The following MYH1 variants were observed in gnomAD, a reference collection of about 807,000 sequenced individuals.
MYH1 encodes the protein myosin-1.
A neutral mutation model predicts 225.6 loss-of-function variants in MYH1; 214 were observed. The observed-to-expected ratio is 0.95, with a 90% CI of 0.85 to 1.06. The LOEUF (loss-of-function observed/expected upper bound fraction) is 1.06. MYH1 is among the 50% of genes least tolerant of loss of function. MYH1 has a pLI of 0.00. For missense variants in MYH1, 2,098 were observed against 2,344.2 expected, an observed-to-expected ratio of 0.89 and a Z score of 2.17; for synonymous variants, 774 against 842.3, an observed-to-expected ratio of 0.92 and a Z score of 1.40.
intron 15 of MYH1, 83 bp downstream of exon 15, chr17:10,509,402 C>G: frequency 1.9e-6 from 3 of 1,587,644 alleles, no homozygotes; most frequent in Non-Finnish European, 2.6e-6. Flanking sequence ...AAATATTTAG[C>G]CATTGCCTAT....
In MYH1 at chr17:10,495,284, C is replaced by A. The variant is rs868547373; in HGVS notation, c.5203G>T (p.Glu1735Ter). ...CCCTGGATTTGGGAAATGTCTGTCT[C>A]CAGCTTCTTCTTGGTGTTGATCAGG... ...TSLINTKKKL[E>*]TDISQIQGEM... The change falls in exon 36 of 40, where the codon GAG becomes TAG. Residue 1735 changes from glutamate (E) to a stop codon, truncating the protein, a stop_gained. Transcript: ENST00000226207. LOFTEE classifies it high-confidence loss of function. 1.2e-6 allele frequency: 2 copies of A among 1,614,004 alleles called. No homozygotes were observed. Among genetic ancestry groups the A allele is most frequent in the African/African-American group, 2.7e-5 (2 of 74,890 alleles).
chr17:10,494,849 A>G (rs2142253285), intron 37 of MYH1, 82 bp downstream of exon 37: 1 of 1,610,398 alleles, frequency 6.2e-7, no homozygotes, highest in East Asian at 2.2e-5. Flanking sequence ...AGTATGCCCC[A>G]CATCATCTAG....
chr17:10,501,389 C>T lies in MYH1; in HGVS notation c.3459G>A (p.Arg1153=), dbSNP rs1386495830. The T allele has an allele frequency of 2.5e-6, 4 of 1,614,060 alleles. No homozygotes were observed. Among genetic ancestry groups the T allele is most frequent in the Non-Finnish European group, 2.5e-6 (3 of 1,180,046 alleles). The stretch of plus-strand genomic sequence containing the variant: ...AGGTGGCCCCACCGGCTTCTTCCAG[C>T]CTCTCGCTGATCTCCTCCAGCTCCC... ...LSRELEEISE[R]LEEAGGATSA... The change falls in exon 27 of 40, where the codon AGG becomes AGA. Residue 1153 remains arginine (R), a synonymous_variant. Transcript: ENST00000226207.
chr17:10,507,351 C>G (rs2073123310), intron 17 of MYH1, among the ~76,000 whole-genome samples: 1 of 152,194 alleles, frequency 6.6e-6, no homozygotes, highest in African/African-American at 2.4e-5. Flanking sequence ...GCGTGAGCAA[C>G]TGTGCTTGGC....
At position 10,495,179 on chromosome 17, in the gene MYH1, A is replaced by T; in HGVS notation, c.5295+13T>A. 1 of 1,614,130 alleles carries T rather than the reference A, an allele frequency of 6.2e-7. No individual in the cohort carries two copies. The highest frequency in any genetic ancestry group is 8.5e-7 in the Non-Finnish European group (1 of 1,180,028). ...ATTTAAGTTTGACCACCACTGTGTT[A>T]CCCTTCACTCACATCAGTGATGGCC... On this transcript the variant is annotated intron_variant, in intron 36 of 39. Transcript: ENST00000226207.
intron 14 of MYH1, 35 bp from the exon 15 acceptor site, chr17:10,509,690 T>A (rs1435629939): frequency 6.2e-7 from 1 of 1,614,182 alleles, no homozygotes. Flanking sequence ...AGCATTCAAT[T>A]TATAATGAAA....
chr17:10,510,587 A>G (rs1233995863), intron 14 of MYH1, among the ~76,000 whole-genome samples: 1 of 152,178 alleles, frequency 6.6e-6, no homozygotes, highest in African/African-American at 2.4e-5. Flanking sequence ...TAGAAACACA[A>G]TTGAGGATGC....
intron 1 of MYH1, 30 bp from the exon 2 acceptor site, chr17:10,518,300 T>C (rs2073249716): frequency 6.6e-6 from 1 of 152,144 alleles, no homozygotes; most frequent in East Asian, 1.9e-4. Flanking sequence ...CCTCTTCTGA[T>C]TAAATTATAA....
rs1166791650 is a variant in MYH1 at position 10,502,828 on chromosome 17, G to A, written c.3021C>T (p.His1007=). 2.5e-6 allele frequency: 4 copies of A among 1,613,904 alleles called. No individual in the cohort carries two copies. The highest frequency in any genetic ancestry group is 2.5e-6 in the Non-Finnish European group (3 of 1,180,022). The change falls in exon 24 of 40, where the codon CAC becomes CAT. Residue 1007 remains histidine, a synonymous_variant. Coordinates refer to ENST00000226207, the MANE Select transcript of MYH1 (RefSeq NM_005963.4). ...TKEKKALQEA[H]QQTLDDLQAE... Reference sequence around the variant, plus strand: ...CCTGCAGGTCATCCAGGGTCTGCTGGTGGGCCTCCTGGAGAGCCTTCTTCT... The same window carrying A: ...CCTGCAGGTCATCCAGGGTCTGCTGATGGGCCTCCTGGAGAGCCTTCTTCT...
At position 10,493,042 on chromosome 17, in the gene MYH1, T is replaced by C. The variant is rs994334545; in HGVS notation, c.5668-474A>G. Among the ~76,000 whole-genome samples the C allele has an allele frequency of 3.3e-5, 5 of 152,234 alleles. No homozygotes were observed. The East Asian group carries it at 9.6e-4, about 29-fold the overall frequency. ...GTTTGTTTCCTAAAATAGTCTGAGCTGTCTCTGATTATACTTAAATATATA... is the reference window on the plus strand; with the variant it reads ...GTTTGTTTCCTAAAATAGTCTGAGCCGTCTCTGATTATACTTAAATATATA... On this transcript the variant is annotated intron_variant, in intron 39 of 39. Coordinates refer to ENST00000226207, the MANE Select transcript of MYH1 (RefSeq NM_005963.4).
intron 7 of MYH1, 46 bp from the exon 8 acceptor site, chr17:10,513,959 C>A (rs2073199219): frequency 4.3e-6 from 7 of 1,613,896 alleles, no homozygotes; most frequent in Non-Finnish European, 5.9e-6. Context: ...TGGGAATTTC[C>A]TACCTGAGAG....
chr17:10,515,875 G>A (rs1307963557), intron 5 of MYH1, 51 bp downstream of exon 5: 2 of 1,612,626 alleles, frequency 1.2e-6, no homozygotes, highest in Admixed American at 1.7e-5. Flanking sequence ...CTAATATTTT[G>A]TGATTATGGA....
At chr17:10,494,493 A>G in intron 38 of MYH1, 44 bp from the exon 39 acceptor site, 5 of 1,610,158 alleles carry the variant, frequency 3.1e-6, no homozygotes, top group African/African-American at 1.3e-5. Context: ...AAGTACAAAT[A>G]TTACATTTTG....
chr17:10,515,561 A>G (rs1464408876), intron 5 of MYH1, among the ~76,000 whole-genome samples: 1 of 152,196 alleles, frequency 6.6e-6, no homozygotes, highest in African/African-American at 2.4e-5. Context: ...AAAAGGATTG[A>G]ACTCCTATTT....
At chr17:10,494,525 C>T (rs751943749) in intron 38 of MYH1, 44 bp downstream of exon 38, 1 of 1,610,142 alleles carries the variant, frequency 6.2e-7, no homozygotes, top group African/African-American at 1.3e-5. Context: ...ACTTTTAATC[C>T]CATGTGGACT....
intron 29 of MYH1, 36 bp downstream of exon 29, chr17:10,498,938 A>G (rs1239969875): frequency 1.2e-6 from 2 of 1,602,984 alleles, no homozygotes; most frequent in African/African-American, 1.3e-5. Flanking sequence ...ACAAATAACA[A>G]GAACAATAAT....
At position 10,513,664 on chromosome 17, in the gene MYH1, C is replaced by A; in HGVS notation, c.767G>T (p.Gly256Val). Residue 256 changes from glycine to valine, a missense_variant, in exon 9 of 40, where the codon GGT (glycine) becomes GTT (valine). Physicochemically the swap from Gly to Val is moderately radical, Grantham distance 109. Coordinates refer to ENST00000226207, the MANE Select transcript of MYH1 (RefSeq NM_005963.4). ...AGCAGAAGCCAGTTTCCCTGTGGTA[C>A]CGAAGTGGATCCTGATGAATTTACC... is the stretch of plus-strand genomic sequence containing the variant. ...RFGKFIRIHF[G>V]TTGKLASADI... The A allele has an allele frequency of 1.2e-6, 2 of 1,614,056 alleles. No individual in the cohort carries two copies. Among genetic ancestry groups the A allele is most frequent in the East Asian group, 2.2e-5 (1 of 44,874 alleles).
intron 2 of MYH1, 24 bp downstream of exon 2, chr17:10,518,216 G>GA (rs375715996): frequency 5.2e-4 from 74 of 143,250 alleles, no homozygotes; most frequent in Admixed American, 1.0e-3. Flanking sequence ...TGAGGAATGA[G>GA]AAAAAAAAAA....
At chr17:10,511,730 G>T in intron 14 of MYH1, 109 bp downstream of exon 14, 2 of 1,549,294 alleles carry the variant, frequency 1.3e-6, no homozygotes, top group South Asian at 2.3e-5. Context: ...TTAAAGTGCA[G>T]CTATTTTTCA....
Sources: allele counts gnomAD v4.1 joint callset (sites outside exome capture counted in the v4.1 genomes callset), GRCh38; gene constraint gnomAD v4.1.1; transcripts MANE v1.5; gene names NCBI Gene and HGNC (gene_info 2026-07-23, HGNC 2026-07-21).